Variants in IL2RA observed in about 807,000 individuals in gnomAD.
IL2RA encodes interleukin 2 receptor subunit alpha, also known as interleukin-2 receptor subunit alpha.
A neutral mutation model predicts 37.8 loss-of-function variants in IL2RA; 24 were observed. The ratio of observed to expected loss-of-function variants is 0.63; its 90% CI spans 0.46 to 0.89. The LOEUF is 0.89. IL2RA is among the 40% of genes least tolerant of loss of function. The pLI is 0.00. For missense variants in IL2RA, 319 were observed against 348.6 expected (o/e 0.92, Z 0.68); for synonymous variants, 125 against 114.6 (o/e 1.09, Z -0.58).
chr10:6,059,069 G>A (rs1840087834), intron 1 of IL2RA, among the ~76,000 whole-genome samples: 1 of 152,196 alleles, frequency 6.6e-6, no homozygotes, highest in Non-Finnish European at 1.5e-5. Context: ...GTTCCTCTTG[G>A]AGAAAAAGTC....
intron 1 of IL2RA, among the ~76,000 whole-genome samples, chr10:6,042,420 AT>A (rs1255798261): frequency 6.6e-6 from 1 of 152,130 alleles, no homozygotes; most frequent in Non-Finnish European, 1.5e-5. Context: ...CTTACAGAAA[AT>A]AACATGTACG....
Position 6,036,884 on chromosome 10 carries a change from C to T in IL2RA, c.65-10859G>A, listed in dbSNP as rs1839692419. 6.6e-6 allele frequency among the ~76,000 whole-genome samples: 1 copy of T among 152,150 alleles called. No individual in the cohort carries two copies. Among genetic ancestry groups the T allele is most frequent in the African/African-American group, 2.4e-5 (1 of 41,426 alleles). ...CGGATGCTGAGGTTGTTCGCAGCAG[C>T]GTGTGTGCAGAGCCCCCGGGATCTT... is the stretch of plus-strand genomic sequence containing the variant. On this transcript the variant is annotated intron_variant, in intron 1 of 7. Coordinates refer to ENST00000379959, the MANE Select transcript of IL2RA (RefSeq NM_000417.3). The surrounding 1 kb of genome is among the most constrained non-coding windows in gnomAD (Gnocchi z 6.1).
At chr10:6,032,701 A>G (rs991673595) in intron 1 of IL2RA, among the ~76,000 whole-genome samples, 1 of 151,942 alleles carries the variant, frequency 6.6e-6, no homozygotes, top group East Asian at 1.9e-4. Flanking sequence ...TCAAAAAAAA[A>G]AAAAAGAAAA....
intron 1 of IL2RA, among the ~76,000 whole-genome samples, chr10:6,051,832 T>TAC (rs201993857): frequency 8.8e-6 from 1 of 113,680 alleles, no homozygotes; most frequent in African/African-American, 3.1e-5. Context: ...TATATATATA[T>TAC]ATATATATAT....
At chr10:6,023,648 A>G (rs7900744) in intron 3 of IL2RA, among the ~76,000 whole-genome samples, 39,692 of 152,114 alleles carry the variant, frequency 0.26, 6,140 homozygotes, top group African/African-American at 0.44. Flanking sequence ...TTTTCTTGAC[A>G]CCATAACTGA....
intron 1 of IL2RA, among the ~76,000 whole-genome samples, chr10:6,051,545 A>T (rs145396896): frequency 0.013 from 1,781 of 136,686 alleles, 49 homozygotes; most frequent in African/African-American, 0.046. Context: ...TTTGAGACGG[A>T]GTTTCCCTCT....
intron 1 of IL2RA, among the ~76,000 whole-genome samples, chr10:6,052,676 T>C (rs1471578564): frequency 6.6e-6 from 1 of 152,130 alleles, no homozygotes; most frequent in Admixed American, 6.5e-5. Flanking sequence ...ACACCTATCC[T>C]AGCCTTTGTT....
rs1588324646 is a variant in IL2RA at position 6,054,400 on chromosome 10, G to A, written c.64+7688C>T. ...TAAGTGATCAGTGACCCATTGAACC[G>A]AGGACGTCTACCGGGGACCAATGAC... On this transcript the variant is annotated intron_variant, in intron 1 of 7. Coordinates refer to ENST00000379959, the MANE Select transcript of IL2RA (RefSeq NM_000417.3). The surrounding 1 kb of genome is among the most constrained non-coding windows in gnomAD (Gnocchi z 4.5). Among the ~76,000 whole-genome samples, 1 of 152,174 alleles carries A rather than the reference G, an allele frequency of 6.6e-6. No homozygotes were observed. The highest frequency in any genetic ancestry group is 2.1e-4 in the South Asian group (1 of 4,828).
At chr10:6,037,524 C>T (rs1444991468) in intron 1 of IL2RA, among the ~76,000 whole-genome samples, 1 of 152,156 alleles carries the variant, frequency 6.6e-6, no homozygotes, top group Non-Finnish European at 1.5e-5. Flanking sequence ...GAATAACGCA[C>T]GGAGCACAGG....
At chr10:6,051,788 G>C (rs1234354152) in intron 1 of IL2RA, among the ~76,000 whole-genome samples, 1 of 90,350 alleles carries the variant, frequency 1.1e-5, no homozygotes, top group African/African-American at 4.2e-5. Context: ...CAAAGTGCTG[G>C]GATTACAGAC....
At position 6,021,241 on chromosome 10, in the gene IL2RA, C is replaced by T. The variant is rs1021457642; in HGVS notation, c.583+237G>A. On this transcript the variant is annotated intron_variant, in intron 4 of 7. Transcript: ENST00000379959. The surrounding 1 kb of genome is among the most constrained non-coding windows in gnomAD (Gnocchi z 4.9). ...GGCTTTCCTTCTCTTCTGTCTCCAA[C>T]CTTTCTCCCCACTCAGGGCACAGGG... is the stretch of plus-strand genomic sequence containing the variant. Among the ~76,000 whole-genome samples, 1 of 152,064 alleles carries T rather than the reference C, an allele frequency of 6.6e-6. No individual in the cohort carries two copies. Among genetic ancestry groups the T allele is most frequent in the Admixed American group, 6.5e-5 (1 of 15,276 alleles).
chr10:6,051,449 C>T (rs949074467), intron 1 of IL2RA, among the ~76,000 whole-genome samples: 35 of 150,790 alleles, frequency 2.3e-4, no homozygotes, highest in Non-Finnish European at 4.0e-4. Context: ...AAAGATGGGC[C>T]GATTTGCTTC....
chr10:6,047,022 G>A lies in IL2RA; in HGVS notation c.64+15066C>T, dbSNP rs1839872282. ...TTTTTACTCGGGTGTGGGACAAGTA[G>A]TTATGAAGCCACAGAATGTTAGGAC... On this transcript the variant is annotated intron_variant, in intron 1 of 7. Transcript: ENST00000379959. This position sits in a 1 kb window ranked among gnomAD's most constrained non-coding sequence, Gnocchi z 5.0. 6.6e-6 allele frequency among the ~76,000 whole-genome samples: 1 copy of A among 152,200 alleles called. No individual in the cohort carries two copies. Among genetic ancestry groups the A allele is most frequent in the African/African-American group, 2.4e-5 (1 of 41,442 alleles).
intron 5 of IL2RA, 28 bp downstream of exon 5, chr10:6,019,840 CTG>C (rs1839352764): frequency 2.5e-6 from 4 of 1,606,996 alleles, no homozygotes; most frequent in Middle Eastern, 1.7e-4. Flanking sequence ...GACTAGGCCT[CTG>C]TGGTCCAGCG....
chr10:6,050,074 CT>C (rs1425187578), intron 1 of IL2RA, among the ~76,000 whole-genome samples: 4 of 152,164 alleles, frequency 2.6e-5, no homozygotes, highest in South Asian at 4.1e-4. Context: ...CAAAGTGCCC[CT>C]GAGGCAATGG....
In IL2RA at chr10:6,010,839, C is replaced by T. The variant is rs761805503; in HGVS notation, c.*2033G>A. ...AGAAGGACAGATAAATGGTCGATAA[C>T]ATCTTAGTATTATCATGGAAAAGTT... On this transcript the variant is annotated 3_prime_UTR_variant, in exon 8 of 8. Transcript: ENST00000379959. 1 of 152,228 alleles carries T rather than the reference C, an allele frequency of 6.6e-6. No homozygotes were observed. Among genetic ancestry groups the T allele is most frequent in the Non-Finnish European group, 1.5e-5 (1 of 68,018 alleles). 9.4% of individuals were successfully genotyped at this position (152,228 alleles called of 1,614,324 possible). A position where few individuals can be genotyped will look rare whatever the true frequency, so the allele number is the denominator to read the frequency against.
chr10:6,019,889 G>T lies in IL2RA; in HGVS notation c.636C>A (p.Ser212=). ...CCGCACCTGTTGTTGTGACGAGGCA[G>T]GAAGTCTCACTCTCAGGACGGCCTT... ...SPEGRPESET[S]CLVTTTDFQI... is the part of the protein sequence containing the mutation. Residue 212 remains serine, a synonymous_variant, in exon 5 of 8, where the codon TCC becomes TCA. Coordinates refer to ENST00000379959, the MANE Select transcript of IL2RA (RefSeq NM_000417.3). 1 of 1,614,164 alleles carries T rather than the reference G, an allele frequency of 6.2e-7. No homozygotes were observed. Among genetic ancestry groups the T allele is most frequent in the South Asian group, 1.1e-5 (1 of 91,084 alleles).
chr10:6,020,700 T>G lies in IL2RA; in HGVS notation c.584-759A>C, dbSNP rs921764995. On this transcript the variant is annotated intron_variant, in intron 4 of 7. Transcript: ENST00000379959. The surrounding 1 kb of genome is among the most constrained non-coding windows in gnomAD (Gnocchi z 5.6). ...GGCACCCACCACCACGCCCAGATAA[T>G]TTTTGTATTTTTAGTAGAGACGGGG... Among the ~76,000 whole-genome samples, 60 of 151,930 alleles carry G rather than the reference T, an allele frequency of 3.9e-4. No homozygotes were observed. The highest frequency in any genetic ancestry group is 1.4e-3 in the African/African-American group (57 of 41,346).
Position 6,023,713 on chromosome 10 carries a change from C to T in IL2RA, c.367+531G>A, listed in dbSNP as rs193155477. Among the ~76,000 whole-genome samples, 170 of 152,362 alleles carry T rather than the reference C, an allele frequency of 1.1e-3. 2 individuals are homozygous for T. Among genetic ancestry groups the T allele is most frequent in the African/African-American group, 4.0e-3 (165 of 41,578 alleles). On this transcript the variant is annotated intron_variant, in intron 3 of 7. Coordinates refer to ENST00000379959, the MANE Select transcript of IL2RA (RefSeq NM_000417.3). The stretch of plus-strand genomic sequence containing the variant: ...GCAGACAAGGGACAGCCACAGTGCC[C>T]ACTCATGCACAGACTGCTGGCCAGG...
Sources: gnomAD v4.1 joint callset for allele counts (sites outside exome capture counted in the v4.1 genomes callset) on GRCh38, gnomAD v4.1.1 for gene constraint, Gnocchi (gnomAD v3.1) non-coding constraint, MANE v1.5 for transcripts, NCBI Gene and HGNC (gene_info 2026-07-23, HGNC 2026-07-21) for gene names.